Variants in CDH13 observed in about 807,000 individuals in gnomAD.
CDH13 encodes the protein cadherin-13.
In CDH13, 24 loss-of-function variants were observed where a neutral mutation model predicts 63.8. The observed-to-expected ratio is 0.38, with a 90% CI of 0.27 to 0.53. The LOEUF (loss-of-function observed/expected upper bound fraction) is 0.53, where lower values mean the gene tolerates loss of function less well. Among genes scored for constraint, CDH13 ranks in the 20% least tolerant of loss-of-function variants. The pLI, the probability that CDH13 is intolerant of heterozygous loss-of-function variation, is 0.85. For missense variants in CDH13, 1,049 were observed against 903.1 expected (o/e 1.16, Z -2.07); for synonymous variants, 503 against 355.3 (o/e 1.42, Z -4.67).
chr16:83,714,047 G>A (rs746321256), intron 10 of CDH13, among the ~76,000 whole-genome samples: 12 of 151,372 alleles, frequency 7.9e-5, no homozygotes, highest in Non-Finnish European at 1.5e-4. Flanking sequence ...TATACCCATC[G>A]CTGGCCACTG....
At chr16:83,718,304 A>G (rs1909220244) in intron 10 of CDH13, among the ~76,000 whole-genome samples, 2 of 152,242 alleles carry the variant, frequency 1.3e-5, no homozygotes, top group East Asian at 1.9e-4. Context: ...AACGCCAGTG[A>G]GTCCTTGACC....
At chr16:83,340,094 A>G (rs765165582) in intron 5 of CDH13, among the ~76,000 whole-genome samples, 33 of 152,112 alleles carry the variant, frequency 2.2e-4, no homozygotes, top group Non-Finnish European at 3.4e-4. Flanking sequence ...GCAATGTTTC[A>G]CTTTTCAATT....
At chr16:83,189,715 C>T (rs940902572) in intron 4 of CDH13, among the ~76,000 whole-genome samples, 1 of 152,292 alleles carries the variant, frequency 6.6e-6, no homozygotes, top group South Asian at 2.1e-4. Flanking sequence ...CCTTCTAGCA[C>T]TGTGAATATT....
chr16:83,272,910 G>C (rs553112884), intron 5 of CDH13, among the ~76,000 whole-genome samples: 1 of 152,272 alleles, frequency 6.6e-6, no homozygotes, highest in South Asian at 2.1e-4. Context: ...TGATGAGTTT[G>C]CTGGAAATAA....
In CDH13 at chr16:83,080,754, C is replaced by G. The variant is rs184733585; in HGVS notation, c.367-44631C>G. Among the ~76,000 whole-genome samples, 50 of 151,894 alleles carry G rather than the reference C, an allele frequency of 3.3e-4. No homozygotes were observed. The East Asian group carries it at 4.3e-3, about 13-fold the overall frequency. On this transcript the variant is annotated intron_variant, in intron 3 of 13. Coordinates refer to ENST00000567109, the MANE Select transcript of CDH13 (RefSeq NM_001257.5). ...CAATGGGGGGTGACTTTGTTCTAAC[C>G]CACAAGGAAGATTATTACATGAATA...
At chr16:83,033,747 G>A (rs901535553) in intron 3 of CDH13, among the ~76,000 whole-genome samples, 1 of 152,130 alleles carries the variant, frequency 6.6e-6, no homozygotes, top group Non-Finnish European at 1.5e-5. Context: ...ACTGACTCCT[G>A]CCTTCTTCAC....
chr16:83,418,822 A>C (rs764414169), intron 6 of CDH13, among the ~76,000 whole-genome samples: 1 of 152,142 alleles, frequency 6.6e-6, no homozygotes, highest in Non-Finnish European at 1.5e-5. Flanking sequence ...GGAGTACTGA[A>C]AGCCTTCCCT....
chr16:83,354,777 G>A (rs2091021363), intron 6 of CDH13, among the ~76,000 whole-genome samples: 2 of 152,192 alleles, frequency 1.3e-5, no homozygotes, highest in East Asian at 1.9e-4. Context: ...AAGGGCAAGG[G>A]CAAGATCGTT....
intron 3 of CDH13, among the ~76,000 whole-genome samples, chr16:83,068,003 T>C (rs4129423): frequency 0.038 from 5,820 of 152,238 alleles, 304 homozygotes; most frequent in East Asian, 0.15. Flanking sequence ...GCATGATCAG[T>C]TCATCATCTC....
chr16:83,017,422 T>C (rs1250737380), intron 2 of CDH13, among the ~76,000 whole-genome samples: 1 of 152,146 alleles, frequency 6.6e-6, no homozygotes, highest in Non-Finnish European at 1.5e-5. Context: ...ATACCATCAT[T>C]TGAAGGAATC....
At chr16:83,201,233 C>T (rs1013802696) in intron 4 of CDH13, among the ~76,000 whole-genome samples, 1 of 151,978 alleles carries the variant, frequency 6.6e-6, no homozygotes, top group South Asian at 2.1e-4. Context: ...TACTATGGAC[C>T]ATGCACTGTT....
At chr16:83,292,417 G>T (rs550374302) in intron 5 of CDH13, among the ~76,000 whole-genome samples, 2 of 152,196 alleles carry the variant, frequency 1.3e-5, no homozygotes, top group East Asian at 1.9e-4. Flanking sequence ...TGGTACCTCT[G>T]CTGTCCTGCT....
intron 8 of CDH13, among the ~76,000 whole-genome samples, chr16:83,622,797 A>G (rs1476986045): frequency 2.6e-5 from 4 of 152,224 alleles, no homozygotes; most frequent in Non-Finnish European, 5.9e-5. Context: ...TGAATTTGAT[A>G]TACTTGTTCT....
At chr16:83,191,504 T>TATAC (rs1555510518) in intron 4 of CDH13, among the ~76,000 whole-genome samples, 1 of 93,812 alleles carries the variant, frequency 1.1e-5, no homozygotes, top group Non-Finnish European at 2.0e-5. Flanking sequence ...TATATATATA[T>TATAC]ACACACACAC....
chr16:83,167,821 G>A (rs964050275), intron 4 of CDH13, among the ~76,000 whole-genome samples: 1 of 151,396 alleles, frequency 6.6e-6, no homozygotes, highest in Non-Finnish European at 1.5e-5. Context: ...GTGGTGGACT[G>A]GATTGAAAAA....
intron 5 of CDH13, among the ~76,000 whole-genome samples, chr16:83,315,130 C>G (rs887670088): frequency 1.3e-5 from 2 of 152,200 alleles, no homozygotes; most frequent in Non-Finnish European, 2.9e-5. Flanking sequence ...ACAATAGTAG[C>G]CTGTCTGTGT....
chr16:83,536,899 T>A (rs2075202222), intron 7 of CDH13, among the ~76,000 whole-genome samples: 1 of 152,196 alleles, frequency 6.6e-6, no homozygotes, highest in South Asian at 2.1e-4. Context: ...ATTTCTTGAC[T>A]GGTGCAATCG....
chr16:82,976,432 G>T (rs1262221082), intron 2 of CDH13, among the ~76,000 whole-genome samples: 1 of 152,150 alleles, frequency 6.6e-6, no homozygotes, highest in African/African-American at 2.4e-5. Flanking sequence ...TGGAGCTCCA[G>T]GCGCTTTTCC....
chr16:83,759,357 A>T (rs1036934067), intron 11 of CDH13, among the ~76,000 whole-genome samples: 6 of 152,214 alleles, frequency 3.9e-5, no homozygotes, highest in African/African-American at 1.4e-4. Flanking sequence ...TTTAAAATGC[A>T]TCCTGACCCC....
Sources: gnomAD v4.1 joint callset for allele counts (sites outside exome capture counted in the v4.1 genomes callset) on GRCh38, gnomAD v4.1.1 for gene constraint, MANE v1.5 for transcripts, NCBI Gene and HGNC (gene_info 2026-07-23, HGNC 2026-07-21) for gene names.